The following PDZD2 variants were observed in gnomAD, a reference collection of about 807,000 sequenced individuals.
PDZD2 encodes the protein PDZ domain-containing protein 2.
Under a neutral mutation model 220.7 loss-of-function variants are expected in PDZD2, and 90 were observed. The ratio of observed to expected loss-of-function variants is 0.41; its 90% CI spans 0.34 to 0.49. PDZD2 has a LOEUF of 0.49. PDZD2 is among the 20% of genes least tolerant of loss of function. The probability of loss-of-function intolerance (pLI) is 0.28; values close to 1 mark genes in which losing one functional copy is unlikely to be tolerated. For synonymous variants in PDZD2, 1,375 were observed against 1,450.5 expected, an observed-to-expected ratio of 0.95 and a Z score of 1.18; for missense variants, 3,174 against 3,608.5, an observed-to-expected ratio of 0.88 and a Z score of 3.08.
At chr5:31,763,491 T>C (rs1751779856) in intron 1 of PDZD2, among the ~76,000 whole-genome samples, 2 of 152,018 alleles carry the variant, frequency 1.3e-5, no homozygotes, top group Admixed American at 6.5e-5. Context: ...CGAGCCACAA[T>C]GGAAGGAAGG....
chr5:32,043,144 T>G (rs941154838), intron 7 of PDZD2, among the ~76,000 whole-genome samples: 2 of 152,214 alleles, frequency 1.3e-5, no homozygotes, highest in African/African-American at 4.8e-5. Context: ...AATACAGATA[T>G]GGGGAGGGGG....
chr5:31,996,205 C>G (rs1437753245), intron 4 of PDZD2, among the ~76,000 whole-genome samples: 1 of 152,208 alleles, frequency 6.6e-6, no homozygotes, highest in Non-Finnish European at 1.5e-5. Flanking sequence ...ATATGTATCT[C>G]TGTCGTGCAG....
chr5:31,750,525 A>G (rs1297397251), intron 1 of PDZD2, among the ~76,000 whole-genome samples: 1 of 152,218 alleles, frequency 6.6e-6, no homozygotes, highest in Non-Finnish European at 1.5e-5. Flanking sequence ...GTGCAAGTGC[A>G]TGTGTAACAC....
rs759921704 is a variant in PDZD2 at position 32,089,606 on chromosome 5, G to A, written c.6158G>A (p.Ser2053Asn). 4 of 1,612,876 alleles carry A rather than the reference G, an allele frequency of 2.5e-6. No individual in the cohort carries two copies. The highest frequency in any genetic ancestry group is 3.4e-6 in the Non-Finnish European group (4 of 1,179,934). The change falls in exon 20 of 25, where the codon AGT becomes AAT. Residue 2053 changes from serine to asparagine, a missense_variant. Around this residue, in one of 4 missense-constraint regions of PDZD2, gnomAD observed 1,861 missense variants for 2,001.0 expected, o/e 0.93. Transcript: ENST00000438447. ...NGMSVAGNRQ[S>N]EPRLASHVAA... ...ATGTCCGTGGCAGGGAACAGACAGA[G>A]TGAGCCGCGCCTGGCCAGCCATGTG...
At chr5:31,664,459 C>G (rs1302676313) in intron 1 of PDZD2, among the ~76,000 whole-genome samples, 2 of 150,714 alleles carry the variant, frequency 1.3e-5, no homozygotes, top group African/African-American at 4.9e-5. Flanking sequence ...CATACACACA[C>G]ACACACACAC....
chr5:32,029,329 T>TTA (rs745522981), intron 6 of PDZD2, among the ~76,000 whole-genome samples: 688 of 65,874 alleles, frequency 0.01, 24 homozygotes, highest in African/African-American at 0.039. Flanking sequence ...TCAAGAACTG[T>TTA]AAAAAAAAAA....
chr5:31,673,388 C>G (rs1746288374), intron 1 of PDZD2, among the ~76,000 whole-genome samples: 1 of 152,188 alleles, frequency 6.6e-6, no homozygotes, highest in Non-Finnish European at 1.5e-5. Flanking sequence ...GACAAGTCAC[C>G]TGCCTGGACC....
intron 1 of PDZD2, among the ~76,000 whole-genome samples, chr5:31,794,545 C>A (rs1222129930): frequency 6.6e-6 from 1 of 151,598 alleles, no homozygotes; most frequent in African/African-American, 2.4e-5. Context: ...GGACTACGGG[C>A]GCCCACCACC....
rs139779193 is a variant in PDZD2, at chr5:31,765,548, C to T, written c.-360-33341C>T. On this transcript the variant is annotated intron_variant, in intron 1 of 24. Coordinates refer to ENST00000438447, the MANE Select transcript of PDZD2 (RefSeq NM_178140.4). Reference sequence around the variant, plus strand: ...GCTCTATTATCTGAAAAATGTAGCTCGGGAAAATATGGCTCTGGGGAATAA... The same window carrying T: ...GCTCTATTATCTGAAAAATGTAGCTTGGGAAAATATGGCTCTGGGGAATAA... Among the ~76,000 whole-genome samples the T allele has an allele frequency of 1.1e-4, 16 of 152,288 alleles. No individual in the cohort carries two copies. The East Asian group carries it at 1.5e-3, about 15-fold the overall frequency.
In PDZD2 at chr5:31,995,624, G is replaced by A. The variant is rs1468376753; in HGVS notation, c.1027G>A (p.Gly343Arg). Residue 343 changes from glycine (G) to arginine (R), a missense_variant, in exon 4 of 25, where the codon GGG becomes AGG. By Grantham distance (125) the Gly-to-Arg change is moderately radical. Coordinates refer to ENST00000438447, the MANE Select transcript of PDZD2 (RefSeq NM_178140.4). ...GATGGAGCTGCTCAAAGAATCGGAT[G>A]GGCTGGGAATTCAGGTTAGTGGAGG... ...WKMELLKESDGLGIQVSGGRG... is the reference protein window; with the variant it reads ...WKMELLKESDRLGIQVSGGRG... 6.2e-7 allele frequency: 1 copy of A among 1,614,112 alleles called. No individual in the cohort carries two copies. The highest frequency in any genetic ancestry group is 8.5e-7 in the Non-Finnish European group (1 of 1,179,978).
intron 6 of PDZD2, among the ~76,000 whole-genome samples, chr5:32,017,017 TG>T (rs1477904348): frequency 6.6e-6 from 1 of 152,194 alleles, no homozygotes; most frequent in Non-Finnish European, 1.5e-5. Context: ...GATACATGGA[TG>T]GTTGGACAGA....
In PDZD2 at chr5:32,107,975, C is replaced by T. The variant is rs777040880; in HGVS notation, c.8360C>T (p.Ala2787Val). ...TCTGTGTTTATTCTCGTAGGTGGTG[C>T]GGCTGAACAAGCTGGAATAATAGAA... ...LVIKRVYKGGAAEQAGIIEAG... is the reference protein window; with the variant it reads ...LVIKRVYKGGVAEQAGIIEAG... The change falls in exon 25 of 25, where the codon GCG (alanine) becomes GTG (valine). Residue 2787 changes from alanine to valine, a missense_variant. Physicochemically the swap from Ala to Val is moderately conservative, Grantham distance 64. This residue lies in a region of PDZD2 where 631 missense variants were observed against 789.9 expected (regional missense o/e 0.80). Coordinates refer to ENST00000438447, the MANE Select transcript of PDZD2 (RefSeq NM_178140.4). 1.1e-5 allele frequency: 17 copies of T among 1,610,526 alleles called. No homozygotes were observed. Among genetic ancestry groups the T allele is most frequent in the South Asian group, 5.5e-5 (5 of 90,722 alleles).
intron 13 of PDZD2, among the ~76,000 whole-genome samples, chr5:32,059,735 T>G (rs16889381): frequency 6.6e-6 from 1 of 152,132 alleles, no homozygotes; most frequent in Non-Finnish European, 1.5e-5. Context: ...TGGTTCAGAA[T>G]CACTTGATGC....
chr5:31,710,146 A>G (rs994084420), intron 1 of PDZD2, among the ~76,000 whole-genome samples: 1 of 152,176 alleles, frequency 6.6e-6, no homozygotes, highest in Non-Finnish European at 1.5e-5. Flanking sequence ...AGGGAATTCA[A>G]AGAAAAATAA....
At chr5:31,880,873 C>T (rs1190676121) in intron 2 of PDZD2, among the ~76,000 whole-genome samples, 2 of 133,176 alleles carry the variant, frequency 1.5e-5, no homozygotes, top group Admixed American at 9.0e-5. Flanking sequence ...GCAATCTCGG[C>T]GCACTGCAAC....
At position 32,109,259 on chromosome 5, in the gene PDZD2, T is replaced by A. The variant is rs529820117; in HGVS notation, c.*1124T>A. ...TTAAGAAATGTAACATTCTAAGTATTGGATCTCTTTTCTTGACCTAGTATA... is the reference window on the plus strand; with the variant it reads ...TTAAGAAATGTAACATTCTAAGTATAGGATCTCTTTTCTTGACCTAGTATA... On this transcript the variant is annotated 3_prime_UTR_variant, in exon 25 of 25. Transcript: ENST00000438447. The A allele has an allele frequency of 6.6e-6, 1 of 152,136 alleles. No homozygotes were observed. Among genetic ancestry groups the A allele is most frequent in the African/African-American group, 2.4e-5 (1 of 41,362 alleles). The allele number at this position is 152,136 out of a possible 1,614,324, so 9.4% of individuals were successfully genotyped here.
At chr5:32,042,402 A>G (rs1243282948) in intron 7 of PDZD2, among the ~76,000 whole-genome samples, 1 of 149,906 alleles carries the variant, frequency 6.7e-6, no homozygotes, top group Admixed American at 6.6e-5. Context: ...TCTCTACTAA[A>G]AATACAAAAA....
chr5:31,999,260 G>A (rs967968524), intron 4 of PDZD2, among the ~76,000 whole-genome samples: 1 of 144,216 alleles, frequency 6.9e-6, no homozygotes, highest in African/African-American at 2.6e-5. Flanking sequence ...TTTTTTTGGG[G>A]GGGGCGGGTG....
chr5:31,792,411 T>C (rs1233177542), intron 1 of PDZD2, among the ~76,000 whole-genome samples: 1 of 152,102 alleles, frequency 6.6e-6, no homozygotes, highest in Non-Finnish European at 1.5e-5. Context: ...GATTCTATTA[T>C]TATGGTTTGT....
Sources: allele counts gnomAD v4.1 joint callset (sites outside exome capture counted in the v4.1 genomes callset), GRCh38; gene constraint gnomAD v4.1.1; regional missense constraint gnomAD v4.1.1; transcripts MANE v1.5; gene names NCBI Gene and HGNC (gene_info 2026-07-23, HGNC 2026-07-21).